LARGE1: variants seen among roughly 807,000 people sequenced by gnomAD.
LARGE1 encodes the protein LARGE xylosyl- and glucuronyltransferase 1.
A neutral mutation model predicts 87.6 loss-of-function variants in LARGE1; 43 were observed. The observed-to-expected ratio is 0.49, with a 90% CI of 0.38 to 0.63. The LOEUF (loss-of-function observed/expected upper bound fraction) is 0.63, where lower values mean the gene tolerates loss of function less well. Among genes scored for constraint, LARGE1 ranks in the 30% least tolerant of loss-of-function variants. The probability of loss-of-function intolerance (pLI) is 0.00; values close to 1 mark genes in which losing one functional copy is unlikely to be tolerated. For missense variants in LARGE1, 802 were observed against 1,000.2 expected (o/e 0.80, Z 2.67); for synonymous variants, 434 against 394.6 (o/e 1.10, Z -1.18).
chr22:33,540,242 G>T (rs2077155050), intron 6 of LARGE1, among the ~76,000 whole-genome samples: 1 of 152,302 alleles, frequency 6.6e-6, no homozygotes, highest in Non-Finnish European at 1.5e-5. Context: ...AAACAACAGA[G>T]CCATGTGAAC....
At chr22:33,191,367 A>G (rs1356587375) in intron 11 of LARGE1, among the ~76,000 whole-genome samples, 2 of 152,212 alleles carry the variant, frequency 1.3e-5, no homozygotes, top group African/African-American at 4.8e-5. Context: ...CATCTTGGCT[A>G]TTCTCTGGCT....
chr22:33,751,736 C>T (rs923354631), intron 2 of LARGE1, among the ~76,000 whole-genome samples: 2 of 150,476 alleles, frequency 1.3e-5, no homozygotes, highest in Non-Finnish European at 2.9e-5. Context: ...ATTTTCATCA[C>T]TCTATAGTAC....
chr22:33,162,897 C>T (rs1922081980), exon 12 of LARGE1: 2 of 152,114 alleles, frequency 1.3e-5, no homozygotes, highest in Admixed American at 6.5e-5. Flanking sequence ...TGTATGCTTA[C>T]AAAGTTCTTT....
intron 9 of LARGE1, among the ~76,000 whole-genome samples, chr22:33,379,311 C>T (rs577521647): frequency 5.3e-5 from 8 of 150,126 alleles, no homozygotes; most frequent in East Asian, 2.0e-4. Context: ...ATGTGCACAA[C>T]GTGCAGGTTT....
intron 5 of LARGE1, among the ~76,000 whole-genome samples, chr22:33,596,978 C>T (rs1330495581): frequency 6.6e-6 from 1 of 152,150 alleles, no homozygotes. Flanking sequence ...ACACACCTTA[C>T]TTCATTTCTC....
chr22:33,169,811 A>G (rs1398087749), intron 11 of LARGE1, among the ~76,000 whole-genome samples: 1 of 152,020 alleles, frequency 6.6e-6, no homozygotes, highest in East Asian at 1.9e-4. Flanking sequence ...AGATCTTGCC[A>G]ATGCACTCCA....
chr22:33,306,096 G>A (rs1296160049), intron 11 of LARGE1, among the ~76,000 whole-genome samples: 5 of 151,968 alleles, frequency 3.3e-5, no homozygotes, highest in African/African-American at 1.2e-4. Context: ...CGCCCACCTC[G>A]GCCTCCCAAA....
chr22:33,101,461 T>C, the LARGE1 span, among the ~76,000 whole-genome samples: 8 of 152,208 alleles, frequency 5.3e-5, no homozygotes, highest in Admixed American at 4.6e-4. Flanking sequence ...TCAAATAGGT[T>C]CGATTGCAAG....
intron 2 of LARGE1, chr22:33,726,245 G>A (rs1214804641): frequency 1.3e-5 from 2 of 152,164 alleles, no homozygotes; most frequent in African/African-American, 4.8e-5. Flanking sequence ...GACAGATTGA[G>A]ACAAAAATGG....
At chr22:33,707,691 G>C (rs990889426) in intron 2 of LARGE1, among the ~76,000 whole-genome samples, 6 of 152,218 alleles carry the variant, frequency 3.9e-5, no homozygotes, top group African/African-American at 1.4e-4. Flanking sequence ...CAAAGATACA[G>C]ATAAGTCCGG....
intron 6 of LARGE1, among the ~76,000 whole-genome samples, chr22:33,507,213 T>C (rs1427385686): frequency 6.6e-6 from 1 of 152,160 alleles, no homozygotes; most frequent in Non-Finnish European, 1.5e-5. Context: ...TGCAATGGCA[T>C]AGAGACCCGA....
intron 11 of LARGE1, among the ~76,000 whole-genome samples, chr22:33,200,914 C>A (rs1924347787): frequency 1.3e-5 from 2 of 152,064 alleles, no homozygotes; most frequent in Admixed American, 6.6e-5. Flanking sequence ...TGTGAATATC[C>A]TAAAAAATCA....
At chr22:33,507,721 A>G (rs1490723249) in intron 6 of LARGE1, among the ~76,000 whole-genome samples, 3 of 152,174 alleles carry the variant, frequency 2.0e-5, no homozygotes, top group African/African-American at 4.8e-5. Context: ...TTTGTTAGGT[A>G]TATTTCACCA....
chr22:33,343,130 T>C (rs1274086140), intron 9 of LARGE1, among the ~76,000 whole-genome samples: 1 of 152,176 alleles, frequency 6.6e-6, no homozygotes, highest in African/African-American at 2.4e-5. Context: ...TGTTTGTTTG[T>C]TTGTTTGTTG....
chr22:33,688,808 C>T (rs1418594336), intron 2 of LARGE1, among the ~76,000 whole-genome samples: 1 of 152,058 alleles, frequency 6.6e-6, no homozygotes, highest in Non-Finnish European at 1.5e-5. Context: ...AGCCTCCTAT[C>T]CTGACCAACT....
chr22:33,312,201 T>C (rs1362260900), intron 11 of LARGE1, among the ~76,000 whole-genome samples: 2 of 152,094 alleles, frequency 1.3e-5, no homozygotes, highest in Admixed American at 6.5e-5. Context: ...TGATGCACTT[T>C]GGGAGGCCAA....
intron 5 of LARGE1, among the ~76,000 whole-genome samples, chr22:33,591,565 T>C (rs1479418045): frequency 2.0e-5 from 3 of 152,218 alleles, no homozygotes; most frequent in African/African-American, 4.8e-5. Context: ...TTTCATCAGA[T>C]AGATGCTTGG....
chr22:33,254,310 G>A (rs1286882636), intron 11 of LARGE1, among the ~76,000 whole-genome samples: 2 of 152,170 alleles, frequency 1.3e-5, no homozygotes, highest in African/African-American at 2.4e-5. Context: ...TTGGGCCTGT[G>A]TTGGAAGCAG....
intron 2 of LARGE1, among the ~76,000 whole-genome samples, chr22:33,720,697 T>C (rs1601414347): frequency 6.6e-6 from 1 of 152,106 alleles, no homozygotes; most frequent in Non-Finnish European, 1.5e-5. Flanking sequence ...GAAAAGCAAA[T>C]ATCAGAGAAG....
Sources: allele counts gnomAD v4.1 joint callset (sites outside exome capture counted in the v4.1 genomes callset), GRCh38; gene constraint gnomAD v4.1.1; transcripts MANE v1.5; gene names NCBI Gene and HGNC (gene_info 2026-07-23, HGNC 2026-07-21).